Variants in ZDHHC14 observed in about 807,000 individuals in gnomAD.
ZDHHC14 encodes zDHHC palmitoyltransferase 14, also known as palmitoyltransferase ZDHHC14.
A neutral mutation model predicts 47.7 loss-of-function variants in ZDHHC14; 16 were observed. The ratio of observed to expected loss-of-function variants is 0.34; its 90% confidence interval spans 0.23 to 0.51. ZDHHC14 has a LOEUF of 0.51. Among genes scored for constraint, ZDHHC14 ranks in the 20% least tolerant of loss-of-function variants. ZDHHC14 has a pLI of 0.97. For synonymous variants in ZDHHC14, 293 were observed against 278.9 expected, an observed-to-expected ratio of 1.05 and a Z score of -0.50; for missense variants, 515 against 662.5, an observed-to-expected ratio of 0.78 and a Z score of 2.44.
chr6:157,622,920 G>T (rs1785250960), intron 3 of ZDHHC14, among the ~76,000 whole-genome samples: 1 of 152,142 alleles, frequency 6.6e-6, no homozygotes, highest in South Asian at 2.1e-4. Context: ...GCACTTAGGT[G>T]CCAGGGCTCT....
At chr6:157,543,735 C>T (rs1781858134) in intron 2 of ZDHHC14, among the ~76,000 whole-genome samples, 1 of 152,150 alleles carries the variant, frequency 6.6e-6, no homozygotes, top group South Asian at 2.1e-4. Flanking sequence ...GGAAAGGGAG[C>T]AGTAAAATGG....
intron 8 of ZDHHC14, among the ~76,000 whole-genome samples, chr6:157,668,703 AAAAAC>A (rs953164709): frequency 5.3e-5 from 8 of 152,118 alleles, no homozygotes; most frequent in African/African-American, 1.2e-4. Context: ...CCATCTCAAA[AAAAAC>A]AAAACAAAAC....
At chr6:157,387,429 C>G (rs952218438) in intron 1 of ZDHHC14, among the ~76,000 whole-genome samples, 5 of 152,286 alleles carry the variant, frequency 3.3e-5, no homozygotes, top group South Asian at 4.1e-4. Flanking sequence ...CTTACCACCC[C>G]CTGGCCATGC....
In ZDHHC14 at chr6:157,661,747, G is replaced by GTCCTC. The variant is rs1218561466; in HGVS notation, c.1068+8120_1068+8121insTCCTC. 5.9e-5 allele frequency among the ~76,000 whole-genome samples: 9 copies of GTCCTC among 152,302 alleles called. No individual in the cohort carries two copies. The East Asian group carries it at 1.7e-3, about 29-fold the overall frequency. ...AGTTATACTGAGGTTCACCTCCCTG[G>GTCCTC]CCTGTAGTGAGGATTGACTGAGATT... On this transcript the variant is annotated intron_variant, in intron 8 of 8. Coordinates refer to ENST00000359775, the MANE Select transcript of ZDHHC14 (RefSeq NM_024630.3).
chr6:157,623,313 A>G (rs778432738), intron 3 of ZDHHC14, among the ~76,000 whole-genome samples: 3 of 152,090 alleles, frequency 2.0e-5, no homozygotes, highest in Non-Finnish European at 4.4e-5. Context: ...AGTTCTCATG[A>G]GACCTGATGG....
rs554794893 is a variant in ZDHHC14 at position 157,648,163 on chromosome 6, A to G, written c.965+795A>G. ...TACAGATTCTTTGTGAGTTACACCT[A>G]TGGAGAATATTTTCAACTGATAAAT... On this transcript the variant is annotated intron_variant, in intron 7 of 8. Transcript: ENST00000359775. 7.2e-5 allele frequency among the ~76,000 whole-genome samples: 11 copies of G among 152,362 alleles called. No individual in the cohort carries two copies. In the South Asian group the frequency reaches 2.3e-3, roughly 32 times the overall value.
chr6:157,564,203 G>A (rs946092880), intron 2 of ZDHHC14, among the ~76,000 whole-genome samples: 7 of 152,194 alleles, frequency 4.6e-5, no homozygotes, highest in African/African-American at 1.7e-4. Flanking sequence ...GGTCACAGCT[G>A]GTGCCTGCTC....
intron 1 of ZDHHC14, among the ~76,000 whole-genome samples, chr6:157,430,957 CCAGGTTATGATA>C (rs1778327505): frequency 6.6e-6 from 1 of 152,192 alleles, no homozygotes; most frequent in African/African-American, 2.4e-5. Context: ...ACTTGTAAAG[CCAGGTTATGATA>C]CATTCTGGGA....
chr6:157,584,155 A>G (rs774886159), intron 2 of ZDHHC14, among the ~76,000 whole-genome samples: 2 of 152,098 alleles, frequency 1.3e-5, no homozygotes, highest in African/African-American at 2.4e-5. Flanking sequence ...TAGGAGCTGC[A>G]CCTCAGAGAA....
In ZDHHC14 at chr6:157,603,605, G is replaced by A. The variant is rs541985825; in HGVS notation, c.565+10459G>A. ...TAGGCAGCTGTTGTCTGATGATGCC[G>A]TATTACAAGCACCCTCAAAAACCTC... On this transcript the variant is annotated intron_variant, in intron 3 of 8. Coordinates refer to ENST00000359775, the MANE Select transcript of ZDHHC14 (RefSeq NM_024630.3). 4.0e-4 allele frequency among the ~76,000 whole-genome samples: 61 copies of A among 152,278 alleles called. 1 individual carries two copies. The highest frequency in any genetic ancestry group is 9.6e-4 in the African/African-American group (40 of 41,558).
intron 2 of ZDHHC14, among the ~76,000 whole-genome samples, chr6:157,580,815 C>T (rs1229406638): frequency 6.6e-6 from 1 of 151,442 alleles, no homozygotes; most frequent in East Asian, 1.9e-4. Context: ...GATTTCCCTC[C>T]TTTTTTTATT....
chr6:157,540,855 A>G (rs1781716883), intron 1 of ZDHHC14, among the ~76,000 whole-genome samples: 1 of 136,910 alleles, frequency 7.3e-6, no homozygotes, highest in Non-Finnish European at 1.6e-5. Context: ...TTCAGGGTTT[A>G]TATATATAAC....
chr6:157,465,621 C>T (rs1779193487), intron 1 of ZDHHC14, among the ~76,000 whole-genome samples: 1 of 151,910 alleles, frequency 6.6e-6, no homozygotes, highest in South Asian at 2.1e-4. Flanking sequence ...AAAAAGAAAT[C>T]TTCAAGGTCA....
chr6:157,445,365 G>A (rs1319900223), intron 1 of ZDHHC14, among the ~76,000 whole-genome samples: 1 of 152,114 alleles, frequency 6.6e-6, no homozygotes, highest in Non-Finnish European at 1.5e-5. Context: ...AATAAACAAA[G>A]CCAAGATGCG....
intron 1 of ZDHHC14, among the ~76,000 whole-genome samples, chr6:157,414,991 A>G (rs1439621395): frequency 3.3e-5 from 5 of 152,076 alleles, no homozygotes; most frequent in African/African-American, 1.2e-4. Context: ...TTACAACTCT[A>G]AAGTCACTCT....
At chr6:157,611,528 T>C (rs1290068650) in intron 3 of ZDHHC14, among the ~76,000 whole-genome samples, 3 of 152,196 alleles carry the variant, frequency 2.0e-5, no homozygotes, top group Non-Finnish European at 4.4e-5. Context: ...GGGCACATTT[T>C]CATCCTGTTC....
At position 157,463,285 on chromosome 6, in the gene ZDHHC14, A is replaced by AACATAGAAAC. The variant is rs528774822; in HGVS notation, c.246-79299_246-79298insCATAGAAACA. Among the ~76,000 whole-genome samples, 283 of 152,228 alleles carry AACATAGAAAC rather than the reference A, an allele frequency of 1.9e-3. 4 individuals are homozygous for AACATAGAAAC. The East Asian group carries it at 0.036, about 20-fold the overall frequency. On this transcript the variant is annotated intron_variant, in intron 1 of 8. Transcript: ENST00000359775. The surrounding 1 kb of genome is among the most constrained non-coding windows in gnomAD (Gnocchi z 4.4). ...ATAGAACAATTGAAATTGGTTTTTC[A>AACATAGAAAC]ATAGAAACAATTGAATAGTCCAGAT...
chr6:157,602,993 A>G (rs1784393745), intron 3 of ZDHHC14, among the ~76,000 whole-genome samples: 1 of 152,202 alleles, frequency 6.6e-6, no homozygotes, highest in East Asian at 1.9e-4. Flanking sequence ...TTTGCTAGTC[A>G]CTGAGCTCTC....
intron 2 of ZDHHC14, among the ~76,000 whole-genome samples, chr6:157,578,435 T>G (rs1019045965): frequency 2.6e-5 from 4 of 152,226 alleles, no homozygotes; most frequent in Non-Finnish European, 4.4e-5. Flanking sequence ...CAGCACCATT[T>G]ATTGAATAGG....
Sources: gnomAD v4.1 joint callset for allele counts (sites outside exome capture counted in the v4.1 genomes callset) on GRCh38, gnomAD v4.1.1 for gene constraint, Gnocchi (gnomAD v3.1) non-coding constraint, MANE v1.5 for transcripts, NCBI Gene and HGNC (gene_info 2026-07-23, HGNC 2026-07-21) for gene names.